RTKN2: variants seen among roughly 807,000 people sequenced by gnomAD.
RTKN2 encodes rhotekin-2.
A neutral mutation model predicts 71.5 loss-of-function variants in RTKN2; 69 were observed. The ratio of observed to expected loss-of-function variants is 0.96; its 90% confidence interval spans 0.79 to 1.18. The LOEUF (loss-of-function observed/expected upper bound fraction) is 1.18. Among genes scored for constraint, RTKN2 ranks in the 50% most tolerant of loss-of-function variants. The probability of loss-of-function intolerance (pLI) is 0.00; values close to 1 mark genes in which losing one functional copy is unlikely to be tolerated. For missense variants in RTKN2, 724 were observed against 719.7 expected (o/e 1.01, Z -0.07); for synonymous variants, 236 against 236.5 (o/e 1.00, Z 0.02).
intron 2 of RTKN2, among the ~76,000 whole-genome samples, chr10:62,256,777 G>A (rs1190770853): frequency 2.6e-5 from 4 of 152,002 alleles, no homozygotes; most frequent in Non-Finnish European, 5.9e-5. Context: ...GGACAACCTA[G>A]GGGGAGAATA....
intron 7 of RTKN2, among the ~76,000 whole-genome samples, chr10:62,221,601 C>A (rs1841908783): frequency 2.1e-5 from 3 of 144,756 alleles, no homozygotes; most frequent in Admixed American, 1.4e-4. Flanking sequence ...ACACATGCAT[C>A]AAATAACAAA....
In RTKN2 at chr10:62,212,468, G is replaced by C. The variant is rs140747727; in HGVS notation, c.1020+4650C>G. Among the ~76,000 whole-genome samples the C allele has an allele frequency of 9.4e-4, 143 of 152,254 alleles. 3 individuals carry two copies. Among genetic ancestry groups the C allele is most frequent in the Non-Finnish European group, 5.9e-5 (4 of 68,016 alleles). On this transcript the variant is annotated intron_variant, in intron 9 of 11. Coordinates refer to ENST00000373789, the MANE Select transcript of RTKN2 (RefSeq NM_145307.4). ...TGCAATCCCAGCACTTTGGGAGGCT[G>C]AGGCAGGCAGAATTGCTTGAGCCGA...
At chr10:62,232,978 T>C (rs1447341343) in intron 6 of RTKN2, among the ~76,000 whole-genome samples, 1 of 152,166 alleles carries the variant, frequency 6.6e-6, no homozygotes, top group African/African-American at 2.4e-5. Flanking sequence ...AAATTAAAAA[T>C]TGAGTATTCA....
At position 62,236,120 on chromosome 10, in the gene RTKN2, G is replaced by C; in HGVS notation, c.632C>G (p.Ser211Ter). Residue 211 changes from serine to a stop codon, truncating the protein, a stop_gained, in exon 6 of 12, where the codon TCA (serine) becomes TGA (stop). Coordinates refer to ENST00000373789, the MANE Select transcript of RTKN2 (RefSeq NM_145307.4). LOFTEE classifies it high-confidence loss of function. ...ISKATGKKIS[S>*]VLQEEDDEMC... ...TTCATCATCCTCTTCTTGAAGCACT[G>C]AACTTATTTTCTTTCCTGTAGCTTT... The C allele has an allele frequency of 1.2e-6, 2 of 1,612,814 alleles. No homozygotes were observed. Among genetic ancestry groups the C allele is most frequent in the Non-Finnish European group, 1.7e-6 (2 of 1,179,232 alleles).
At chr10:62,256,363 T>C (rs1216332915) in intron 2 of RTKN2, among the ~76,000 whole-genome samples, 1 of 152,060 alleles carries the variant, frequency 6.6e-6, no homozygotes, top group East Asian at 1.9e-4. Flanking sequence ...TTTTTAGAAA[T>C]AGGCAGAGTA....
intron 9 of RTKN2, among the ~76,000 whole-genome samples, chr10:62,211,975 T>C (rs1191590543): frequency 6.6e-6 from 1 of 152,148 alleles, no homozygotes; most frequent in Non-Finnish European, 1.5e-5. Flanking sequence ...AGGAACACTA[T>C]TCTTAAAAGT....
intron 10 of RTKN2, among the ~76,000 whole-genome samples, chr10:62,200,170 C>T (rs35576264): frequency 0.32 from 49,158 of 151,652 alleles, 9,788 homozygotes; most frequent in African/African-American, 0.57. Flanking sequence ...CTTGACCAGC[C>T]TGGCCAACAT....
rs755622621 is a variant in RTKN2 at position 62,198,288 on chromosome 10, T to C, written c.1450A>G (p.Lys484Glu). The part of the protein sequence containing the change: ...FDGNHQMVIQ[K>E]KVLYPASEPL... Reference sequence around the variant, plus strand: ...TCACTTGCAGGATACAGTACCTTTTTCTGGATGACCATTTGATGGTTACCA... The same window carrying C: ...TCACTTGCAGGATACAGTACCTTTTCCTGGATGACCATTTGATGGTTACCA... The change falls in exon 12 of 12, where the codon AAA (lysine) becomes GAA (glutamate). Residue 484 changes from lysine to glutamate, a missense_variant. Transcript: ENST00000373789. The C allele has an allele frequency of 1.9e-6, 3 of 1,614,034 alleles. No individual in the cohort carries two copies. In the South Asian group the frequency reaches 3.3e-5, roughly 18 times the overall value.
chr10:62,239,130 G>A (rs1387071074), intron 5 of RTKN2: 1 of 151,958 alleles, frequency 6.6e-6, no homozygotes, highest in African/African-American at 2.4e-5. Flanking sequence ...TTATTGCTTT[G>A]AAGTACATGA....
chr10:62,212,753 C>A (rs150101925), intron 9 of RTKN2, among the ~76,000 whole-genome samples: 100 of 152,104 alleles, frequency 6.6e-4, no homozygotes, highest in African/African-American at 2.3e-3. Context: ...TAGCATGTCT[C>A]CCTTACAAAT....
At chr10:62,188,494 C>T (rs182657893), downstream of RTKN2, among the ~76,000 whole-genome samples, 347 of 152,242 alleles carry the variant, frequency 2.3e-3, 2 homozygotes, top group Non-Finnish European at 4.3e-3. Flanking sequence ...GAACTAAGCT[C>T]CACCTTTGAA....
chr10:62,228,037 C>G (rs1407750951), intron 6 of RTKN2, among the ~76,000 whole-genome samples: 1 of 151,940 alleles, frequency 6.6e-6, no homozygotes, highest in African/African-American at 2.4e-5. Context: ...TTTTTGATAT[C>G]TAGGTGCATT....
chr10:62,216,996 G>T, intron 9 of RTKN2, 122 bp downstream of exon 9: 2 of 576,164 alleles, frequency 3.5e-6, no homozygotes, highest in Non-Finnish European at 5.5e-6. Flanking sequence ...TCATATTTAT[G>T]AAGTAACCTG....
chr10:62,191,554 T>C (rs1335445909), downstream of RTKN2, among the ~76,000 whole-genome samples: 1 of 152,216 alleles, frequency 6.6e-6, no homozygotes, highest in African/African-American at 2.4e-5. Flanking sequence ...TTTTTTAATC[T>C]TTATAACCTA....
rs1203133766 is a variant in RTKN2, at chr10:62,239,732, T to G, written c.404A>C (p.Lys135Thr). 6.3e-7 allele frequency: 1 copy of G among 1,594,294 alleles called. No homozygotes were observed. Among genetic ancestry groups the G allele is most frequent in the Middle Eastern group, 1.7e-4 (1 of 6,022 alleles). The change falls in exon 5 of 12, where the codon AAA (lysine) becomes ACA (threonine). Residue 135 changes from lysine to threonine, a missense_variant. Physicochemically the swap from Lys to Thr is moderately conservative, Grantham distance 78. Coordinates refer to ENST00000373789, the MANE Select transcript of RTKN2 (RefSeq NM_145307.4). ...AGTATCAAACACATTAGCTCCCATT[T>G]TGAATAAACAAAAAATGGCATAGCG... ...SRRYAIFCLF[K>T]MGANVFDTDV...
chr10:62,227,211 C>A (rs1842044917), intron 6 of RTKN2, among the ~76,000 whole-genome samples: 1 of 152,012 alleles, frequency 6.6e-6, no homozygotes, highest in African/African-American at 2.4e-5. Flanking sequence ...ATCTATTTTT[C>A]CTCTCTTATA....
downstream of RTKN2, among the ~76,000 whole-genome samples, chr10:62,191,130 ACTT>A (rs1841216449): frequency 1.3e-5 from 2 of 152,122 alleles, no homozygotes; most frequent in African/African-American, 2.4e-5. Context: ...ATACTTTTGC[ACTT>A]CTTAACTCGT....
intron 9 of RTKN2, among the ~76,000 whole-genome samples, chr10:62,213,968 A>T (rs540650676): frequency 2.6e-5 from 4 of 152,170 alleles, no homozygotes; most frequent in African/African-American, 9.6e-5. Flanking sequence ...TAAGGAGATC[A>T]GTGAATTCAC....
At chr10:62,246,081 GA>G in intron 2 of RTKN2, 24 bp from the exon 3 acceptor site, 2 of 1,480,914 alleles carry the variant, frequency 1.4e-6, no homozygotes, top group Admixed American at 2.0e-5. Flanking sequence ...AAAACTTATG[GA>G]AAAAAGATCT....
Sources: gnomAD v4.1 joint callset for allele counts (sites outside exome capture counted in the v4.1 genomes callset) on GRCh38, gnomAD v4.1.1 for gene constraint, MANE v1.5 for transcripts, NCBI Gene and HGNC (gene_info 2026-07-23, HGNC 2026-07-21) for gene names.